LAMA2: variants seen among roughly 807,000 people sequenced by gnomAD.
LAMA2 encodes laminin subunit alpha-2.
LAMA2 carries 269 observed loss-of-function variants against 364.8 expected under a neutral mutation model. The ratio of observed to expected loss-of-function variants is 0.74; its 90% CI spans 0.67 to 0.82. LAMA2 has a LOEUF of 0.82. Ranked by LOEUF, LAMA2 falls within the 40% of genes least tolerant of loss-of-function variation. The pLI is 0.00. For missense variants in LAMA2, 3,807 were observed against 3,873.2 expected, an observed-to-expected ratio of 0.98 and a Z score of 0.45; for synonymous variants, 1,379 against 1,370.6, an observed-to-expected ratio of 1.01 and a Z score of -0.14.
At chr6:129,010,725 A>G (rs1489681849) in intron 1 of LAMA2, among the ~76,000 whole-genome samples, 1 of 152,198 alleles carries the variant, frequency 6.6e-6, no homozygotes, top group Non-Finnish European at 1.5e-5. Context: ...CACATACTTT[A>G]TACAATCTAT....
At chr6:128,997,927 A>G (rs999568502) in intron 1 of LAMA2, among the ~76,000 whole-genome samples, 3 of 152,208 alleles carry the variant, frequency 2.0e-5, no homozygotes, top group Non-Finnish European at 2.9e-5. Context: ...AGGTGATTTT[A>G]AGGATGGATC....
chr6:129,475,464 G>C (rs1784023572), intron 53 of LAMA2, 63 bp downstream of exon 53: 4 of 1,268,852 alleles, frequency 3.2e-6, no homozygotes, highest in Non-Finnish European at 4.5e-6. Context: ...TGGCTTCTTA[G>C]ATAAAGCAGC....
chr6:129,165,657 G>A lies in LAMA2; in HGVS notation c.1288G>A (p.Glu430Lys), dbSNP rs1583169151. Residue 430 changes from glutamate to lysine, a missense_variant, in exon 9 of 65, where the codon GAG (glutamate) becomes AAG (lysine). Coordinates refer to ENST00000421865, the MANE Select transcript of LAMA2 (RefSeq NM_000426.4). Reference sequence around the variant, plus strand: ...CTTAAATGAAGTCTGTGTCAAGGATGAGAAACATGCTCGACGAGGTGAGAG... The same window carrying A: ...CTTAAATGAAGTCTGTGTCAAGGATAAGAAACATGCTCGACGAGGTGAGAG... ...GSLNEVCVKD[E>K]KHARRGLAPG... 1 of 1,610,800 alleles carries A rather than the reference G, an allele frequency of 6.2e-7. No homozygotes were observed. Among genetic ancestry groups the A allele is most frequent in the Non-Finnish European group, 8.5e-7 (1 of 1,177,292 alleles).
At chr6:129,307,077 G>A (rs1300079474) in intron 22 of LAMA2, among the ~76,000 whole-genome samples, 1 of 152,108 alleles carries the variant, frequency 6.6e-6, no homozygotes, top group Non-Finnish European at 1.5e-5. Flanking sequence ...TTTAAAGAAT[G>A]TTGAACTTTA....
At chr6:129,279,608 G>A (rs1788573477) in intron 17 of LAMA2, among the ~76,000 whole-genome samples, 1 of 152,132 alleles carries the variant, frequency 6.6e-6, no homozygotes, top group African/African-American at 2.4e-5. Context: ...CACTATGGCA[G>A]TAGCTGAAGA....
chr6:129,128,696 T>C (rs1292648437), intron 4 of LAMA2, among the ~76,000 whole-genome samples: 1 of 152,226 alleles, frequency 6.6e-6, no homozygotes, highest in Admixed American at 6.5e-5. Context: ...CAGTTTGCAG[T>C]GTATGCAGAT....
chr6:129,439,048 C>T (rs1489285116), intron 42 of LAMA2, among the ~76,000 whole-genome samples: 1 of 151,420 alleles, frequency 6.6e-6, no homozygotes, highest in Non-Finnish European at 1.5e-5. Flanking sequence ...TCAGTATTGG[C>T]AGGGGATTGG....
intron 1 of LAMA2, among the ~76,000 whole-genome samples, chr6:128,954,977 G>A (rs1328040847): frequency 6.8e-6 from 1 of 147,344 alleles, no homozygotes; most frequent in Non-Finnish European, 1.5e-5. Flanking sequence ...AGGCACAGGT[G>A]TGAGCAAAAA....
rs995280249 is a variant in LAMA2, at chr6:129,329,759, C to G, written c.4311+1347C>G. Among the ~76,000 whole-genome samples the G allele has an allele frequency of 1.9e-4, 29 of 152,312 alleles. 1 individual carries two copies. Among genetic ancestry groups the G allele is most frequent in the African/African-American group, 6.5e-4 (27 of 41,568 alleles). ...TCGCTGCCAGTTTCATATTATCCAT[C>G]CTCCTCTACATCAGGGTCCACAACC... On this transcript the variant is annotated intron_variant, in intron 29 of 64. Coordinates refer to ENST00000421865, the MANE Select transcript of LAMA2 (RefSeq NM_000426.4).
intron 40 of LAMA2, among the ~76,000 whole-genome samples, chr6:129,412,201 A>G (rs1321838965): frequency 6.6e-6 from 1 of 152,162 alleles, no homozygotes. Context: ...TGCAGGGAAT[A>G]GGTGAATATT....
rs1433071073 is a variant in LAMA2 at position 129,328,380 on chromosome 6, AG to A, written c.4280del (p.Ser1427ThrfsTer47). ...CVPCQCNGHS[S>X]LCDPETSICQ... ...TCCATGTCAATGTAATGGACACAGC[AG>A]CCTGTGTGACCCTGAAACATCGATA... On this transcript the variant is annotated frameshift_variant, in exon 29 of 65. Coordinates refer to ENST00000421865, the MANE Select transcript of LAMA2 (RefSeq NM_000426.4). LOFTEE classifies it high-confidence loss of function. 6.2e-7 allele frequency: 1 copy of A among 1,613,942 alleles called. No individual in the cohort carries two copies. Among genetic ancestry groups the A allele is most frequent in the African/African-American group, 1.3e-5 (1 of 74,942 alleles).
intron 1 of LAMA2, among the ~76,000 whole-genome samples, chr6:128,988,729 T>C (rs889188124): frequency 6.6e-6 from 1 of 152,226 alleles, no homozygotes; most frequent in Admixed American, 6.5e-5. Context: ...CTGGGCTTGA[T>C]GAAGATTGAA....
chr6:129,291,147 A>C (rs2114430927), intron 19 of LAMA2, among the ~76,000 whole-genome samples: 1 of 152,316 alleles, frequency 6.6e-6, no homozygotes, highest in Non-Finnish European at 1.5e-5. Context: ...TTCTAAAGTC[A>C]GTATGCATTA....
At chr6:129,133,195 T>A (rs1777588965) in intron 4 of LAMA2, among the ~76,000 whole-genome samples, 1 of 152,264 alleles carries the variant, frequency 6.6e-6, no homozygotes, top group Non-Finnish European at 1.5e-5. Context: ...TTTAATTTTT[T>A]AAAATTCCTT....
intron 1 of LAMA2, among the ~76,000 whole-genome samples, chr6:128,977,900 T>G (rs1782631149): frequency 6.6e-6 from 1 of 152,202 alleles, no homozygotes; most frequent in Admixed American, 6.5e-5. Flanking sequence ...GTTGGAGCCA[T>G]TGCAGAATCA....
Position 129,015,725 on chromosome 6 carries a change from A to G in LAMA2, c.113-34193A>G, listed in dbSNP as rs1225347398. Among the ~76,000 whole-genome samples, 5 of 152,226 alleles carry G rather than the reference A, an allele frequency of 3.3e-5. No homozygotes were observed. The South Asian group carries it at 1.0e-3, about 32-fold the overall frequency. On this transcript the variant is annotated intron_variant, in intron 1 of 64. Coordinates refer to ENST00000421865, the MANE Select transcript of LAMA2 (RefSeq NM_000426.4). ...TAGTCTGCACTAGGAATTGGAAATGATGCACATAAAATACAGCTTTTTAAT... is the reference window on the plus strand; with the variant it reads ...TAGTCTGCACTAGGAATTGGAAATGGTGCACATAAAATACAGCTTTTTAAT...
At chr6:129,477,469 G>A (rs2571579) in intron 53 of LAMA2, among the ~76,000 whole-genome samples, 42,704 of 151,978 alleles carry the variant, frequency 0.28, 6,863 homozygotes, top group African/African-American at 0.44. Context: ...GATTATGTAG[G>A]TACTATGATT....
In LAMA2 at chr6:129,492,378, G is replaced by C. The variant is rs1362122828; in HGVS notation, c.8139G>C (p.Gln2713His). Residue 2713 changes from glutamine to histidine, a missense_variant, in exon 58 of 65, where the codon CAG (glutamine) becomes CAC (histidine). This residue lies in a region of LAMA2 where 3,333 missense variants were observed against 3,345.7 expected (regional missense o/e 1.00). Transcript: ENST00000421865. ...CTGACATTGGTCGCTGTGCCCATCAGAAACTCCGTGAAGATGAAGATGGAG... is the reference window on the plus strand; with the variant it reads ...CTGACATTGGTCGCTGTGCCCATCACAAACTCCGTGAAGATGAAGATGGAG... Reference protein sequence around the residue: ...KNADIGRCAHQKLREDEDGAA... With the variant: ...KNADIGRCAHHKLREDEDGAA... The C allele has an allele frequency of 1.9e-6, 3 of 1,614,054 alleles. No homozygotes were observed. The highest frequency in any genetic ancestry group is 2.5e-6 in the Non-Finnish European group (3 of 1,180,000).
chr6:129,391,412 G>A (rs906125236), intron 35 of LAMA2, 79 bp from the exon 36 acceptor site: 4 of 1,174,338 alleles, frequency 3.4e-6, no homozygotes, highest in Non-Finnish European at 5.1e-6. Context: ...AGATGGTGGT[G>A]CCCAGCAGAT....
Sources: gnomAD v4.1 joint callset for allele counts (sites outside exome capture counted in the v4.1 genomes callset) on GRCh38, gnomAD v4.1.1 for gene constraint, gnomAD v4.1.1 regional missense constraint, MANE v1.5 for transcripts, NCBI Gene and HGNC (gene_info 2026-07-23, HGNC 2026-07-21) for gene names.